The following BRD4 variants were observed in gnomAD, a reference collection of about 807,000 sequenced individuals.
The protein encoded by BRD4 is bromodomain containing 4, also known as bromodomain-containing protein 4.
Under a neutral mutation model 142.1 loss-of-function variants are expected in BRD4, and 16 were observed. That is an observed-to-expected ratio of 0.11 (90% confidence interval 0.08 to 0.17). The LOEUF (loss-of-function observed/expected upper bound fraction) is 0.17. BRD4 is among the 10% of genes least tolerant of loss of function. The pLI, the probability that BRD4 is intolerant of heterozygous loss-of-function variation, is 1.00. For missense variants in BRD4, 1,424 were observed against 1,810.9 expected (o/e 0.79, Z 3.88); for synonymous variants, 833 against 707.5 (o/e 1.18, Z -2.82).
chr19:15,254,535 G>A (rs985530339), intron 10 of BRD4, among the ~76,000 whole-genome samples: 2 of 152,216 alleles, frequency 1.3e-5, no homozygotes, highest in African/African-American at 2.4e-5. Context: ...AAGAGACCAG[G>A]CAGAAGGATA....
At chr19:15,325,997 C>CAAAAAAA (rs35801340) in intron 1 of BRD4, among the ~76,000 whole-genome samples, 23 of 50,688 alleles carry the variant, frequency 4.5e-4, no homozygotes, top group South Asian at 1.6e-3. Flanking sequence ...GACTCCGTCT[C>CAAAAAAA]AAAAAAAAAA....
In BRD4 at chr19:15,238,649, G is replaced by A. The variant is rs1217376584; in HGVS notation, c.4020+94C>T. 4.7e-5 allele frequency: 69 copies of A among 1,455,226 alleles called. No individual in the cohort carries two copies. Among genetic ancestry groups the A allele is most frequent in the South Asian group, 1.7e-4 (12 of 68,726 alleles). 90.1% of individuals were successfully genotyped at this position (1,455,226 alleles called of 1,614,324 possible). On this transcript the variant is annotated intron_variant, in intron 19 of 19. Transcript: ENST00000679869. The surrounding 1 kb of genome is among the most constrained non-coding windows in gnomAD (Gnocchi z 7.2). ...CGACCAGCAGGGACGGGGCTCCCCCGCTGCCCCTCCCTGTCCAGGCTCCAG... is the reference window on the plus strand; with the variant it reads ...CGACCAGCAGGGACGGGGCTCCCCCACTGCCCCTCCCTGTCCAGGCTCCAG...
At chr19:15,260,786 A>G (rs1034928816) in intron 7 of BRD4, among the ~76,000 whole-genome samples, 1 of 147,086 alleles carries the variant, frequency 6.8e-6, no homozygotes, top group Non-Finnish European at 1.5e-5. Flanking sequence ...CCCTCTCAGA[A>G]GGAGAAAAAT....
chr19:15,277,557 G>A (rs1175017470), intron 1 of BRD4, among the ~76,000 whole-genome samples: 1 of 150,790 alleles, frequency 6.6e-6, no homozygotes, highest in African/African-American at 2.5e-5. Context: ...CATGGCAGGT[G>A]GATCACCTTA....
At chr19:15,247,602 G>A (rs973386479) in intron 11 of BRD4, 4 of 232,900 alleles carry the variant, frequency 1.7e-5, no homozygotes, top group Non-Finnish European at 3.4e-5. Context: ...ATGCAGGCCC[G>A]ACACTGGTAA....
chr19:15,265,210 G>A, intron 5 of BRD4, 144 bp downstream of exon 5: 1 of 829,082 alleles, frequency 1.2e-6, no homozygotes, highest in Non-Finnish European at 1.8e-6. Context: ...GGCTGTTTCT[G>A]GGCTGCAATT....
At chr19:15,304,136 T>A (rs1312458076) in intron 1 of BRD4, among the ~76,000 whole-genome samples, 1 of 152,148 alleles carries the variant, frequency 6.6e-6, no homozygotes, top group Admixed American at 6.5e-5. Flanking sequence ...TACCACATAA[T>A]CCCAACCCAC....
chr19:15,330,939 C>T (rs2048151293), intron 1 of BRD4, among the ~76,000 whole-genome samples: 1 of 152,134 alleles, frequency 6.6e-6, no homozygotes, highest in African/African-American at 2.4e-5. Context: ...ATTGTTACAG[C>T]CCCAAAGAGC....
intron 1 of BRD4, among the ~76,000 whole-genome samples, chr19:15,310,699 T>C (rs1293643481): frequency 6.6e-6 from 1 of 151,134 alleles, no homozygotes; most frequent in Non-Finnish European, 1.5e-5. Context: ...TTCACCATAC[T>C]GGCCAGGCTG....
intron 14 of BRD4, 99 bp downstream of exon 14, chr19:15,242,801 C>G (rs960012499): frequency 1.3e-6 from 2 of 1,519,562 alleles, no homozygotes; most frequent in South Asian, 1.3e-5. Context: ...TCTGAACCCA[C>G]TGCAGCCTGA....
chr19:15,304,205 C>T (rs1219886143), intron 1 of BRD4, among the ~76,000 whole-genome samples: 1 of 152,214 alleles, frequency 6.6e-6, no homozygotes, highest in Non-Finnish European at 1.5e-5. Context: ...ATGCTGACGA[C>T]TACCAGGTCC....
At chr19:15,298,723 A>G (rs1230640961) in intron 1 of BRD4, among the ~76,000 whole-genome samples, 1 of 151,144 alleles carries the variant, frequency 6.6e-6, no homozygotes, top group East Asian at 1.9e-4. Flanking sequence ...GAAATTCTAT[A>G]CAGCTTCCCT....
At chr19:15,327,443 T>A (rs866824390) in intron 1 of BRD4, among the ~76,000 whole-genome samples, 2 of 151,990 alleles carry the variant, frequency 1.3e-5, no homozygotes, top group Admixed American at 6.6e-5. Context: ...ACTTGGGAGG[T>A]TGAAGCAGGA....
At chr19:15,280,831 A>G (rs1297363759) in intron 1 of BRD4, among the ~76,000 whole-genome samples, 1 of 152,216 alleles carries the variant, frequency 6.6e-6, no homozygotes, top group African/African-American at 2.4e-5. Flanking sequence ...CCAGGGACAA[A>G]AACAAGAGGA....
At chr19:15,251,776 G>C (rs144905527) in intron 11 of BRD4, among the ~76,000 whole-genome samples, 1 of 152,188 alleles carries the variant, frequency 6.6e-6, no homozygotes, top group African/African-American at 2.4e-5. Context: ...GCACCCTGCC[G>C]GCCCACGACA....
At chr19:15,290,082 G>A (rs1476694304) in intron 1 of BRD4, among the ~76,000 whole-genome samples, 2 of 152,110 alleles carry the variant, frequency 1.3e-5, no homozygotes, top group Non-Finnish European at 2.9e-5. Context: ...GGGGTCACAC[G>A]CTAGGCATAT....
chr19:15,254,016 G>C (rs2145565090), intron 11 of BRD4, 136 bp downstream of exon 11: 1 of 762,810 alleles, frequency 1.3e-6, no homozygotes, highest in Admixed American at 2.3e-5. Flanking sequence ...TTAACAAAGA[G>C]ACAGACAGAC....
chr19:15,306,996 C>A (rs749229149), intron 1 of BRD4, among the ~76,000 whole-genome samples: 1 of 152,156 alleles, frequency 6.6e-6, no homozygotes, highest in Non-Finnish European at 1.5e-5. Context: ...AATAAAAAAA[C>A]CGCAATTATC....
chr19:15,269,974 C>G (rs1231284015), intron 2 of BRD4, among the ~76,000 whole-genome samples: 1 of 152,248 alleles, frequency 6.6e-6, no homozygotes, highest in African/African-American at 2.4e-5. Flanking sequence ...GAGGGCCAGG[C>G]AGGGGGCTGC....
Sources: allele counts gnomAD v4.1 joint callset (sites outside exome capture counted in the v4.1 genomes callset), GRCh38; gene constraint gnomAD v4.1.1; non-coding constraint Gnocchi (gnomAD v3.1); transcripts MANE v1.5; gene names NCBI Gene and HGNC (gene_info 2026-07-23, HGNC 2026-07-21).